Variants in HRH2 observed in about 807,000 individuals in gnomAD.
HRH2 encodes the protein histamine receptor H2.
A neutral mutation model predicts 20.1 loss-of-function variants in HRH2; 4 were observed. The ratio of observed to expected loss-of-function variants is 0.20; its 90% CI spans 0.10 to 0.45. The LOEUF is 0.45. Ranked by LOEUF, HRH2 falls within the 20% of genes least tolerant of loss-of-function variation. The pLI, the probability that HRH2 is intolerant of heterozygous loss-of-function variation, is 0.99. For synonymous variants in HRH2, 197 were observed against 200.7 expected (o/e 0.98, Z 0.16); for missense variants, 250 against 461.6 (o/e 0.54, Z 4.20).
At chr5:175,684,380 G>A (rs894548838) in intron 2 of HRH2, 71 bp downstream of exon 2, 41 of 1,550,070 alleles carry the variant, frequency 2.6e-5, no homozygotes, top group Admixed American at 6.0e-5. Flanking sequence ...GAATGATTAA[G>A]GGAGCTGCTG....
At position 175,686,752 on chromosome 5, in the gene HRH2, CACAACCCTGTGAAGCAGGG is replaced by C. The variant is rs1314278597; in HGVS notation, c.1076+2446_1076+2464del. ...ACTCAGGGCCTCACTTCATCCTCCA[CACAACCCTGTGAAGCAGGG>C]ACTTGCTTAATCTCCACTTTATAGG... is the stretch of plus-strand genomic sequence containing the variant. On this transcript the variant is annotated intron_variant, in intron 2 of 2. Transcript: ENST00000636584. The surrounding 1 kb of genome is among the most constrained non-coding windows in gnomAD (Gnocchi z 4.7). Among the ~76,000 whole-genome samples the C allele has an allele frequency of 1.3e-5, 2 of 152,222 alleles. No individual in the cohort carries two copies. The highest frequency in any genetic ancestry group is 2.4e-5 in the African/African-American group (1 of 41,444).
chr5:175,682,465 T>A (rs1325944295), intron 1 of HRH2, among the ~76,000 whole-genome samples: 1 of 152,144 alleles, frequency 6.6e-6, no homozygotes, highest in East Asian at 1.9e-4. Flanking sequence ...TACAAGCACT[T>A]CCAGCCTTTC....
rs189208185 is a variant in HRH2, at chr5:175,660,525, G to T, written c.-526+2370G>T. On this transcript the variant is annotated intron_variant, in intron 1 of 2. Transcript: ENST00000636584. ...GACTGGAAGGAAATAGGCTAAAGAG[G>T]GTTAACAGTGTTTGCCCATGGATGG... Among the ~76,000 whole-genome samples the T allele has an allele frequency of 5.3e-3, 812 of 152,236 alleles. 10 individuals are homozygous for T. Among genetic ancestry groups the T allele is most frequent in the Non-Finnish European group, 5.7e-3 (386 of 68,010 alleles).
In HRH2 at chr5:175,710,626, C is replaced by G. The variant is rs1415835851; in HGVS notation, c.*2655C>G. The G allele has an allele frequency of 6.6e-6, 1 of 152,314 alleles. No homozygotes were observed. The highest frequency in any genetic ancestry group is 1.5e-5 in the Non-Finnish European group (1 of 68,066). The allele number at this position is 152,314 out of a possible 1,614,324, so 9.4% of individuals were successfully genotyped here. On this transcript the variant is annotated 3_prime_UTR_variant, in exon 3 of 3. Transcript: ENST00000636584. Reference sequence around the variant, plus strand: ...TCTGTCTCTGGGCTGCCTCCACCTTCTGCAGGCCTCCTGGAGCCTCTGCTG... The same window carrying G: ...TCTGTCTCTGGGCTGCCTCCACCTTGTGCAGGCCTCCTGGAGCCTCTGCTG...
intron 1 of HRH2, among the ~76,000 whole-genome samples, chr5:175,671,504 G>C (rs994802426): frequency 6.6e-6 from 1 of 152,218 alleles, no homozygotes; most frequent in African/African-American, 2.4e-5. Flanking sequence ...AGCTGCTACT[G>C]ATGGTGGAGG....
chr5:175,684,994 C>A (rs1645009131), intron 2 of HRH2, among the ~76,000 whole-genome samples: 3 of 151,950 alleles, frequency 2.0e-5, no homozygotes, highest in Non-Finnish European at 2.9e-5. Context: ...AAGATGTGGA[C>A]CAGAGGATGA....
At chr5:175,679,430 G>A (rs1755881452) in intron 1 of HRH2, among the ~76,000 whole-genome samples, 2 of 152,168 alleles carry the variant, frequency 1.3e-5, no homozygotes, top group Admixed American at 1.3e-4. Flanking sequence ...GGAGGCCAGG[G>A]TTTGAAAAAA....
In HRH2 at chr5:175,707,962, G is replaced by A. The variant is rs1756998577; in HGVS notation, c.1260G>A (p.Glu420=). The A allele has an allele frequency of 2.5e-6, 1 of 398,958 alleles. No individual in the cohort carries two copies. The highest frequency in any genetic ancestry group is 2.1e-5 in the African/African-American group (1 of 48,622). The allele number at this position is 398,958 out of a possible 1,614,324, so 24.7% of individuals were successfully genotyped here. The stretch of plus-strand genomic sequence containing the variant: ...AAGCGGTGAGGACGCTGCCCTCTGA[G>A]GCTGTCTAGACCTAGCCCCAGGACA... The part of the protein sequence containing the change: ...PQKAVRTLPS[E]AV The change falls in exon 3 of 3, where the codon GAG becomes GAA. Residue 420 remains glutamate, a synonymous_variant. Transcript: ENST00000636584.
At chr5:175,694,986 T>C (rs1404051548) in intron 2 of HRH2, among the ~76,000 whole-genome samples, 2 of 152,100 alleles carry the variant, frequency 1.3e-5, no homozygotes, top group African/African-American at 4.8e-5. Context: ...CCACCGTTTC[T>C]GTTTGGGACT....
intron 1 of HRH2, among the ~76,000 whole-genome samples, chr5:175,671,524 T>G (rs1755540128): frequency 6.6e-6 from 1 of 152,176 alleles, no homozygotes; most frequent in Admixed American, 6.5e-5. Context: ...GTGATGGTGA[T>G]GATGGTGGTC....
At chr5:175,698,436 C>T (rs1756678604) in intron 2 of HRH2, among the ~76,000 whole-genome samples, 1 of 152,294 alleles carries the variant, frequency 6.6e-6, no homozygotes, top group South Asian at 2.1e-4. Context: ...TGGAGCCTCA[C>T]GTTCATGGTC....
rs1196440601 is a variant in HRH2 at position 175,691,863 on chromosome 5, C to CAA, written c.1076+7564_1076+7565dup. Among the ~76,000 whole-genome samples, 96 of 123,486 alleles carry CAA rather than the reference C, an allele frequency of 7.8e-4. 2 individuals are homozygous for CAA. Among genetic ancestry groups the CAA allele is most frequent in the Non-Finnish European group, 3.1e-4 (18 of 58,408 alleles). The allele number at this position is 123,486 out of a possible 152,430, so 81.0% of individuals were successfully genotyped here. A position where few individuals can be genotyped will look rare whatever the true frequency, so the allele number is the denominator to read the frequency against. On this transcript the variant is annotated intron_variant, in intron 2 of 2. Coordinates refer to ENST00000636584, the MANE Select transcript of HRH2 (RefSeq NM_001367711.1). Reference sequence around the variant, plus strand: ...TAGGTGACAGAGCAAGACTCCATCTCAAAAAAAAAAAGAAAAAAGAGAAAA... The same window carrying CAA: ...TAGGTGACAGAGCAAGACTCCATCTCAAAAAAAAAAAAAGAAAAAAGAGAAAA...
Position 175,684,162 on chromosome 5 carries a change from G to A in HRH2, c.929G>A (p.Arg310His), listed in dbSNP as rs761950621. 46 of 1,613,978 alleles carry A rather than the reference G, an allele frequency of 2.9e-5. No homozygotes were observed. The highest frequency in any genetic ancestry group is 5.0e-5 in the Admixed American group (3 of 59,992). Residue 310 changes from arginine (R) to histidine (H), a missense_variant, in exon 2 of 3, where the codon CGC (arginine) becomes CAC (histidine). By Grantham distance (29) the Arg-to-His change is conservative. Transcript: ENST00000636584. The stretch of plus-strand genomic sequence containing the variant: ...CTCTTCTGCTGCAGGCTGGCCAACC[G>A]CAACTCCCACAAAACTTCTCTGAGG... ...QQLFCCRLANRNSHKTSLRSN... is the reference protein window; with the variant it reads ...QQLFCCRLANHNSHKTSLRSN...
rs1244502318 is a variant in HRH2 at position 175,707,956 on chromosome 5, C to T, written c.1254C>T (p.Pro418=). Residue 418 remains proline (P), a synonymous_variant, in exon 3 of 3, where the codon CCC becomes CCT. Coordinates refer to ENST00000636584, the MANE Select transcript of HRH2 (RefSeq NM_001367711.1). ...CCCAGAAAGCGGTGAGGACGCTGCC[C>T]TCTGAGGCTGTCTAGACCTAGCCCC... ...RPPQKAVRTL[P]SEAV 2.5e-6 allele frequency: 1 copy of T among 399,060 alleles called. No homozygotes were observed. Among genetic ancestry groups the T allele is most frequent in the South Asian group, 1.3e-4 (1 of 7,850 alleles). 24.7% of individuals were successfully genotyped at this position (399,060 alleles called of 1,614,324 possible). A position where few individuals can be genotyped will look rare whatever the true frequency, so the allele number is the denominator to read the frequency against.
At chr5:175,660,019 T>C (rs1291239707) in intron 1 of HRH2, among the ~76,000 whole-genome samples, 1 of 152,136 alleles carries the variant, frequency 6.6e-6, no homozygotes, top group Non-Finnish European at 1.5e-5. Flanking sequence ...AGGCCGATTC[T>C]CCTGAGCTCA....
At chr5:175,676,742 CAG>C (rs1416554065) in intron 1 of HRH2, among the ~76,000 whole-genome samples, 1 of 152,214 alleles carries the variant, frequency 6.6e-6, no homozygotes, top group African/African-American at 2.4e-5. Flanking sequence ...CCTCACCCTT[CAG>C]AGTCTCCATT....
At chr5:175,702,166 C>T (rs1756806596) in intron 2 of HRH2, among the ~76,000 whole-genome samples, 1 of 151,652 alleles carries the variant, frequency 6.6e-6, no homozygotes, top group Admixed American at 6.6e-5. Context: ...CAAAATGCCT[C>T]GGATAATCAC....
chr5:175,684,339 T>G, intron 2 of HRH2, 30 bp downstream of exon 2: 1 of 1,599,416 alleles, frequency 6.3e-7, no homozygotes, highest in Non-Finnish European at 8.5e-7. Context: ...GTGCACAGGA[T>G]GGGGGCAATG....
intron 1 of HRH2, among the ~76,000 whole-genome samples, chr5:175,670,962 C>T (rs1755514358): frequency 6.6e-6 from 1 of 152,246 alleles, no homozygotes; most frequent in African/African-American, 2.4e-5. Flanking sequence ...CTTATACTCA[C>T]CCGGCAGGGG....
Sources: gnomAD v4.1 joint callset for allele counts (sites outside exome capture counted in the v4.1 genomes callset) on GRCh38, gnomAD v4.1.1 for gene constraint, Gnocchi (gnomAD v3.1) non-coding constraint, MANE v1.5 for transcripts, NCBI Gene and HGNC (gene_info 2026-07-23, HGNC 2026-07-21) for gene names.